The following AR variants were observed in gnomAD, a reference collection of about 807,000 sequenced individuals.
AR encodes androgen receptor, also known as dihydrotestosterone receptor.
A neutral mutation model predicts 53.9 loss-of-function variants in AR; 8 were observed. The observed-to-expected ratio is 0.15, with a 90% confidence interval of 0.09 to 0.27. The LOEUF is 0.27. Among genes scored for constraint, AR ranks in the 10% least tolerant of loss-of-function variants. The pLI, the probability that AR is intolerant of heterozygous loss-of-function variation, is 1.00. For synonymous variants in AR, 359 were observed against 316.4 expected (o/e 1.13, Z -1.43); for missense variants, 639 against 742.5 (o/e 0.86, Z 1.62).
chrX:67,630,837 G>A (rs1381640215), intron 1 of AR, among the ~76,000 whole-genome samples: 1 of 109,881 alleles, frequency 9.1e-6, no homozygotes, highest in Non-Finnish European at 1.9e-5. Context: ...CAGGCCTGGT[G>A]GTGACAAAAT....
At chrX:67,615,724 A>G (rs1924085601) in intron 1 of AR, among the ~76,000 whole-genome samples, 2 of 111,997 alleles carry the variant, frequency 1.8e-5, no homozygotes, top group African/African-American at 3.2e-5. Flanking sequence ...TTGTATTGTT[A>G]TTTGACAATA....
chrX:67,566,607 C>A (rs758393610), intron 1 of AR, among the ~76,000 whole-genome samples: 7 of 110,865 alleles, frequency 6.3e-5, no homozygotes, highest in Admixed American at 9.6e-5. Flanking sequence ...CTATGGGGGG[C>A]CTTAAATGGT....
intron 1 of AR, among the ~76,000 whole-genome samples, chrX:67,595,363 TAA>T (rs936541909): frequency 1.9e-5 from 2 of 106,551 alleles, no homozygotes; most frequent in African/African-American, 6.8e-5. Context: ...TTTTTTTTCT[TAA>T]AAAAAAAACT....
chrX:67,686,062 C>A lies in AR; in HGVS notation c.1821C>A (p.Phe607Leu). 8.3e-7 allele frequency: 1 copy of A among 1,211,087 alleles called. No homozygotes were observed. The highest frequency in any genetic ancestry group is 3.0e-5 in the East Asian group (1 of 33,775). The stretch of plus-strand genomic sequence containing the variant: ...GAAATGATTGCACTATTGATAAATT[C>A]CGAAGGAAAAATTGTCCATCTTGTC... ...ASRNDCTIDK[F>L]RRKNCPSCRL... Residue 607 changes from phenylalanine (F) to leucine (L), a missense_variant, in exon 3 of 8, where the codon TTC becomes TTA. Phe to Leu is a conservative substitution (Grantham distance 22). Around this residue, in one of 5 missense-constraint regions of AR, gnomAD observed 19 missense variants for 48.3 expected, o/e 0.39. Coordinates refer to ENST00000374690, the MANE Select transcript of AR (RefSeq NM_000044.6).
In AR at chrX:67,544,460, GC is replaced by G. The variant is rs1182137257; in HGVS notation, c.-682del. 2.6e-5 allele frequency: 1 copy of G among 39,079 alleles called. No homozygotes were observed. Among genetic ancestry groups the G allele is most frequent in the Non-Finnish European group, 4.7e-5 (1 of 21,464 alleles). 3.2% of individuals were successfully genotyped at this position (39,079 alleles called of 1,213,427 possible). ...CACCCTTCTCCCCACCCGCCCCCCC[GC>G]CCCCGTCGGCCCAGCGCTGCCAGCC... On this transcript the variant is annotated 5_prime_UTR_variant, in exon 1 of 8. Coordinates refer to ENST00000374690, the MANE Select transcript of AR (RefSeq NM_000044.6).
At chrX:67,715,811 C>G (rs1422061148) in intron 4 of AR, among the ~76,000 whole-genome samples, 2 of 112,200 alleles carry the variant, frequency 1.8e-5, no homozygotes, top group Non-Finnish European at 3.8e-5. Context: ...GAAGTTTGAT[C>G]TAAATTTGGG....
intron 1 of AR, among the ~76,000 whole-genome samples, chrX:67,614,645 T>C (rs1387577142): frequency 9.0e-6 from 1 of 111,280 alleles, no homozygotes; most frequent in Non-Finnish European, 1.9e-5. Context: ...ATCTAAAATA[T>C]TGTTTTGAAC....
At chrX:67,594,079 C>G (rs556165888) in intron 1 of AR, among the ~76,000 whole-genome samples, 2 of 112,083 alleles carry the variant, frequency 1.8e-5, no homozygotes, top group East Asian at 2.8e-4. Context: ...ACTACAGCCT[C>G]GATCTCCTGG....
chrX:67,618,249 A>G (rs1924209110), intron 1 of AR, among the ~76,000 whole-genome samples: 1 of 111,273 alleles, frequency 9.0e-6, no homozygotes, highest in South Asian at 3.7e-4. Flanking sequence ...CATGGCCAGG[A>G]CATGAGAGAT....
At position 67,727,490 on chromosome X, in the gene AR, T is replaced by A. The variant is rs765387191; in HGVS notation, c.*3649T>A. ...GACTTGTACTTTAAGAGAAAATATG[T>A]CCACCATCCACATGATGCACAAATG... On this transcript the variant is annotated 3_prime_UTR_variant, in exon 8 of 8. Transcript: ENST00000374690. 1 of 171,203 alleles carries A rather than the reference T, an allele frequency of 5.8e-6. No homozygotes were observed. Among genetic ancestry groups the A allele is most frequent in the South Asian group, 3.1e-4 (1 of 3,211 alleles). The allele number at this position is 171,203 out of a possible 1,213,427, so 14.1% of individuals were successfully genotyped here. A position where few individuals can be genotyped will look rare whatever the true frequency, so the allele number is the denominator to read the frequency against.
intron 3 of AR, among the ~76,000 whole-genome samples, chrX:67,698,476 G>A (rs772648694): frequency 1.8e-5 from 2 of 112,763 alleles, no homozygotes; most frequent in Non-Finnish European, 3.7e-5. Context: ...ATTTATGTTT[G>A]CCAGGCTTTT....
At chrX:67,597,512 A>T (rs1923139594) in intron 1 of AR, among the ~76,000 whole-genome samples, 1 of 111,980 alleles carries the variant, frequency 8.9e-6, no homozygotes, top group Admixed American at 9.5e-5. Context: ...GTTGCCAGAT[A>T]TTAACCTCTT....
Position 67,546,494 on chromosome X carries a change from T to TGTGGTGGTGGGG in AR, c.1358_1359insGGGTGGTGGTGG (p.Gly470_Gly473dup), listed in dbSNP as rs1555969898. 1 of 914,173 alleles carries TGTGGTGGTGGGG rather than the reference T, an allele frequency of 1.1e-6. No individual in the cohort carries two copies. Among genetic ancestry groups the TGTGGTGGTGGGG allele is most frequent in the Non-Finnish European group, 1.5e-6 (1 of 677,618 alleles). The allele number at this position is 914,173 out of a possible 1,213,427, so 75.3% of individuals were successfully genotyped here. A position where few individuals can be genotyped will look rare whatever the true frequency, so the allele number is the denominator to read the frequency against. On this transcript the variant is annotated inframe_insertion, in exon 1 of 8. Transcript: ENST00000374690. ...CGAAGAAGGCCAGTTGTATGGACCG[T>TGTGGTGGTGGGG]GTGGTGGTGGTGGGGGTGGTGGCGG...
At chrX:67,676,399 C>T (rs1226983295) in intron 2 of AR, among the ~76,000 whole-genome samples, 2 of 112,305 alleles carry the variant, frequency 1.8e-5, no homozygotes, top group Non-Finnish European at 3.8e-5. Context: ...CAGAGATAAC[C>T]TCCAAATTCA....
chrX:67,626,695 T>C (rs1394217368), intron 1 of AR, among the ~76,000 whole-genome samples: 11 of 101,715 alleles, frequency 1.1e-4, no homozygotes, highest in African/African-American at 2.9e-4. Flanking sequence ...GTTAGTTACA[T>C]ATGTATACAT....
rs781701550 is a variant in AR at position 67,583,218 on chromosome X, G to A, written c.1616+36456G>A. The stretch of plus-strand genomic sequence containing the variant: ...TAAGATAACTACTTGTTTATTCCAC[G>A]GAGCCACTTATTAGCTTTTTCTATA... On this transcript the variant is annotated intron_variant, in intron 1 of 7. Coordinates refer to ENST00000374690, the MANE Select transcript of AR (RefSeq NM_000044.6). Among the ~76,000 whole-genome samples the A allele has an allele frequency of 3.6e-5, 4 of 111,900 alleles. No individual in the cohort carries two copies. The East Asian group carries it at 1.1e-3, about 32-fold the overall frequency.
At chrX:67,611,570 C>A (rs888962152) in intron 1 of AR, among the ~76,000 whole-genome samples, 2 of 111,188 alleles carry the variant, frequency 1.8e-5, no homozygotes, top group African/African-American at 6.5e-5. Context: ...TAGTTAAATT[C>A]ATCATTGTTT....
intron 2 of AR, among the ~76,000 whole-genome samples, chrX:67,646,280 G>A (rs1018178068): frequency 9.0e-6 from 1 of 111,267 alleles, no homozygotes; most frequent in Non-Finnish European, 1.9e-5. Flanking sequence ...AGGAAGAGTG[G>A]GAAGAGGGAG....
intron 3 of AR, among the ~76,000 whole-genome samples, chrX:67,693,523 T>G (rs780015183): frequency 7.4e-4 from 83 of 112,383 alleles, no homozygotes; most frequent in Non-Finnish European, 1.3e-3. Context: ...TTCCTTAAGA[T>G]CACAAAAATG....
Sources: allele counts gnomAD v4.1 joint callset (sites outside exome capture counted in the v4.1 genomes callset), GRCh38; gene constraint gnomAD v4.1.1; regional missense constraint gnomAD v4.1.1; transcripts MANE v1.5; gene names NCBI Gene and HGNC (gene_info 2026-07-23, HGNC 2026-07-21).